The following IQSEC1 variants were observed in gnomAD, a reference collection of about 807,000 sequenced individuals.
The protein encoded by IQSEC1 is IQ motif and Sec7 domain ArfGEF 1.
Under a neutral mutation model 91.0 loss-of-function variants are expected in IQSEC1, and 31 were observed. The observed-to-expected ratio is 0.34, with a 90% CI of 0.26 to 0.46. IQSEC1 has a LOEUF of 0.46. Among genes scored for constraint, IQSEC1 ranks in the 20% least tolerant of loss-of-function variants. The probability of loss-of-function intolerance (pLI) is 1.00; values close to 1 mark genes in which losing one functional copy is unlikely to be tolerated. For synonymous variants in IQSEC1, 699 were observed against 662.6 expected (o/e 1.05, Z -0.84); for missense variants, 1,388 against 1,575.6 (o/e 0.88, Z 2.02).
At chr3:13,167,644 G>C (rs948621355) in intron 1 of IQSEC1, among the ~76,000 whole-genome samples, 1 of 152,178 alleles carries the variant, frequency 6.6e-6, no homozygotes, top group African/African-American at 2.4e-5. Context: ...CGGACAAGGA[G>C]AGTCTCTGGC....
At chr3:13,182,358 C>A (rs1449587256) in intron 1 of IQSEC1, among the ~76,000 whole-genome samples, 1 of 152,094 alleles carries the variant, frequency 6.6e-6, no homozygotes, top group East Asian at 1.9e-4. Context: ...CAATCACAGC[C>A]CCATACTCAC....
chr3:13,021,301 A>G (rs1703386926), intron 1 of IQSEC1, among the ~76,000 whole-genome samples: 2 of 152,198 alleles, frequency 1.3e-5, no homozygotes, highest in East Asian at 3.9e-4. Context: ...CCAGGGGGCC[A>G]AGGAGCTCTG....
chr3:12,962,705 TG>T (rs1172969804), intron 1 of IQSEC1, among the ~76,000 whole-genome samples: 6 of 152,224 alleles, frequency 3.9e-5, no homozygotes, highest in Admixed American at 3.9e-4. Flanking sequence ...AGTCTTGGCC[TG>T]GGGCTGCGCA....
intron 1 of IQSEC1, among the ~76,000 whole-genome samples, chr3:13,167,693 C>G (rs904562788): frequency 2.0e-5 from 3 of 152,200 alleles, no homozygotes; most frequent in East Asian, 3.9e-4. Flanking sequence ...AAGCCTTTCT[C>G]CAGGTGGCCT....
At chr3:13,127,906 A>T (rs866959623) in intron 2 of IQSEC1, among the ~76,000 whole-genome samples, 30 of 152,320 alleles carry the variant, frequency 2.0e-4, no homozygotes, top group African/African-American at 6.7e-4. Context: ...AGAAGAATCT[A>T]ATTTTCTTTG....
At position 12,915,107 on chromosome 3, in the gene IQSEC1, G is replaced by C; in HGVS notation, c.2187C>G (p.Gly729=). 1 of 1,607,448 alleles carries C rather than the reference G, an allele frequency of 6.2e-7. No individual in the cohort carries two copies. The highest frequency in any genetic ancestry group is 8.5e-7 in the Non-Finnish European group (1 of 1,176,368). The change falls in exon 8 of 14, where the codon GGC becomes GGG. Residue 729 remains glycine (G), a synonymous_variant. Transcript: ENST00000613206. ...GTAAAACCAGAGAAATACTCACACA[G>C]CCGAGCCCGGGATGCAGGGATCCGA... ...KPIGSLHPGL[G]CVLSLPHRRL...
At chr3:13,114,157 C>T (rs1027705051) in intron 2 of IQSEC1, among the ~76,000 whole-genome samples, 2 of 152,208 alleles carry the variant, frequency 1.3e-5, no homozygotes, top group Non-Finnish European at 2.9e-5. Flanking sequence ...ACTTCAGCCT[C>T]ATTTTGGCTT....
At chr3:13,102,333 C>G (rs1166647431) in intron 2 of IQSEC1, among the ~76,000 whole-genome samples, 1 of 152,044 alleles carries the variant, frequency 6.6e-6, no homozygotes, top group Non-Finnish European at 1.5e-5. Context: ...CGAACAAACA[C>G]CCATCCTAGA....
chr3:13,127,441 A>C (rs201489409), intron 2 of IQSEC1, among the ~76,000 whole-genome samples: 4 of 113,334 alleles, frequency 3.5e-5, no homozygotes, highest in Non-Finnish European at 6.6e-5. Flanking sequence ...AAACAAACAA[A>C]CAAAAAAAAA....
At chr3:13,108,512 T>G (rs1706190521) in intron 2 of IQSEC1, among the ~76,000 whole-genome samples, 1 of 152,082 alleles carries the variant, frequency 6.6e-6, no homozygotes, top group South Asian at 2.1e-4. Context: ...ACATTCTATT[T>G]TTTTTTTTAG....
chr3:13,268,567 T>C (rs1695536001), intron 1 of IQSEC1, among the ~76,000 whole-genome samples: 2 of 152,170 alleles, frequency 1.3e-5, no homozygotes, highest in Non-Finnish European at 2.9e-5. Flanking sequence ...TTATAAGTCA[T>C]GTGCAGATGA....
intron 2 of IQSEC1, among the ~76,000 whole-genome samples, chr3:13,119,519 A>G (rs754189770): frequency 1.0e-4 from 16 of 152,384 alleles, no homozygotes; most frequent in Non-Finnish European, 7.3e-5. Flanking sequence ...AGCAGTATCA[A>G]TAAGCTACAC....
intron 1 of IQSEC1, among the ~76,000 whole-genome samples, chr3:12,974,948 G>T (rs1368014342): frequency 6.6e-6 from 1 of 152,250 alleles, no homozygotes. Context: ...CTGTGCCCCA[G>T]ATAGAAGAGG....
intron 1 of IQSEC1, among the ~76,000 whole-genome samples, chr3:13,271,041 G>A (rs548031985): frequency 6.6e-6 from 1 of 152,308 alleles, no homozygotes; most frequent in East Asian, 1.9e-4. Flanking sequence ...TAGGGACTGA[G>A]AAGGACATTT....
chr3:13,138,177 G>A (rs1452119817), intron 2 of IQSEC1, among the ~76,000 whole-genome samples: 2 of 152,174 alleles, frequency 1.3e-5, no homozygotes, highest in African/African-American at 2.4e-5. Flanking sequence ...CCCGGCTGAT[G>A]GGCACAGCAC....
intron 2 of IQSEC1, among the ~76,000 whole-genome samples, chr3:13,082,965 C>T (rs1705669833): frequency 6.6e-6 from 1 of 152,226 alleles, no homozygotes; most frequent in Non-Finnish European, 1.5e-5. Context: ...CTTCTTGTGG[C>T]TCCAGGCACG....
chr3:13,116,425 C>T (rs1024530874), intron 2 of IQSEC1, among the ~76,000 whole-genome samples: 8 of 152,316 alleles, frequency 5.3e-5, no homozygotes, highest in South Asian at 4.1e-4. Flanking sequence ...AACAGACAGA[C>T]TAGAATAGAG....
intron 1 of IQSEC1, among the ~76,000 whole-genome samples, chr3:13,029,743 C>A (rs1033680896): frequency 2.6e-5 from 4 of 152,212 alleles, no homozygotes; most frequent in Non-Finnish European, 4.4e-5. Context: ...TGCACGTGTC[C>A]ACACAAATCC....
At chr3:13,198,136 CTCTAAT>C (rs754256957) in intron 1 of IQSEC1, among the ~76,000 whole-genome samples, 31 of 151,524 alleles carry the variant, frequency 2.0e-4, no homozygotes, top group Non-Finnish European at 4.0e-4. Flanking sequence ...GGCCTGTTTT[CTCTAAT>C]TCTAACAATT....
Sources: allele counts gnomAD v4.1 joint callset (sites outside exome capture counted in the v4.1 genomes callset), GRCh38; gene constraint gnomAD v4.1.1; transcripts MANE v1.5; gene names NCBI Gene and HGNC (gene_info 2026-07-23, HGNC 2026-07-21).